GRM7: variants seen among roughly 807,000 people sequenced by gnomAD.
GRM7 encodes glutamate metabotropic receptor 7.
In GRM7, 35 loss-of-function variants were observed where a neutral mutation model predicts 84.5. The ratio of observed to expected loss-of-function variants is 0.41; its 90% CI spans 0.32 to 0.55. The LOEUF is 0.55. Ranked by LOEUF, GRM7 falls within the 20% of genes least tolerant of loss-of-function variation. The probability of loss-of-function intolerance (pLI) is 0.19; values close to 1 mark genes in which losing one functional copy is unlikely to be tolerated. For missense variants in GRM7, 1,003 were observed against 1,194.6 expected (o/e 0.84, Z 2.36); for synonymous variants, 487 against 455.1 (o/e 1.07, Z -0.89).
Position 7,397,505 on chromosome 3 carries a change from T to C in GRM7, c.1034-17518T>C, listed in dbSNP as rs183285815. On this transcript the variant is annotated intron_variant, in intron 4 of 9. Coordinates refer to ENST00000357716, the MANE Select transcript of GRM7 (RefSeq NM_000844.4). ...ATATTCAGTAGCATAATAGAGTGAC[T>C]ATAGTTAATAATTTGTTGTATATTT... 3.3e-3 allele frequency among the ~76,000 whole-genome samples: 503 copies of C among 152,254 alleles called. 3 individuals carry two copies. Among genetic ancestry groups the C allele is most frequent in the Admixed American group, 8.3e-3 (127 of 15,268 alleles).
chr3:7,275,051 T>G (rs1699003107), intron 2 of GRM7, among the ~76,000 whole-genome samples: 1 of 152,140 alleles, frequency 6.6e-6, no homozygotes, highest in Non-Finnish European at 1.5e-5. Flanking sequence ...CGCTCAAATA[T>G]TCTTTCCTCA....
chr3:6,989,884 A>T (rs1026737134), intron 1 of GRM7, among the ~76,000 whole-genome samples: 1 of 152,212 alleles, frequency 6.6e-6, no homozygotes, highest in African/African-American at 2.4e-5. Context: ...GCCTCTCTCT[A>T]CTATGTGCTA....
chr3:7,387,577 GTCAAAGA>G (rs1246762476), intron 4 of GRM7, among the ~76,000 whole-genome samples: 1 of 152,106 alleles, frequency 6.6e-6, no homozygotes, highest in Non-Finnish European at 1.5e-5. Context: ...TGCTGACTTT[GTCAAAGA>G]TCAATTAGTT....
At chr3:7,284,953 A>G (rs891132652) in intron 2 of GRM7, among the ~76,000 whole-genome samples, 1 of 152,210 alleles carries the variant, frequency 6.6e-6, no homozygotes, top group African/African-American at 2.4e-5. Flanking sequence ...TGCATATATT[A>G]CTAAAACTTA....
rs549772716 is a variant in GRM7, at chr3:7,462,331, A to C, written c.1515+609A>C. ...TTTGTTCTATTTAGGCCTTGAAATAATTGGGTAAGACTCATCCACATTGGG... is the reference window on the plus strand; with the variant it reads ...TTTGTTCTATTTAGGCCTTGAAATACTTGGGTAAGACTCATCCACATTGGG... On this transcript the variant is annotated intron_variant, in intron 7 of 9. Transcript: ENST00000357716. Among the ~76,000 whole-genome samples the C allele has an allele frequency of 2.6e-5, 4 of 152,296 alleles. No homozygotes were observed. In the South Asian group the frequency reaches 8.3e-4, roughly 32 times the overall value.
chr3:7,410,499 G>T (rs1375438098), intron 4 of GRM7, among the ~76,000 whole-genome samples: 1 of 151,934 alleles, frequency 6.6e-6, no homozygotes, highest in Non-Finnish European at 1.5e-5. Context: ...CTTGAGCCTG[G>T]TGGGTTGAGG....
chr3:6,944,477 T>C (rs897528569), intron 1 of GRM7, among the ~76,000 whole-genome samples: 2 of 152,174 alleles, frequency 1.3e-5, no homozygotes, highest in Admixed American at 6.6e-5. Flanking sequence ...TTAAATTATC[T>C]TGATTGCTTT....
chr3:7,050,494 C>G (rs1696955416), intron 1 of GRM7, among the ~76,000 whole-genome samples: 1 of 151,852 alleles, frequency 6.6e-6, no homozygotes, highest in Admixed American at 6.6e-5. Context: ...TCACCCCAGA[C>G]TTGGGGTTAC....
At chr3:6,917,047 A>C (rs1378160187) in intron 1 of GRM7, among the ~76,000 whole-genome samples, 4 of 152,142 alleles carry the variant, frequency 2.6e-5, no homozygotes, top group African/African-American at 4.8e-5. Flanking sequence ...ATTCAGAAGA[A>C]TCCCAGCCAT....
intron 2 of GRM7, among the ~76,000 whole-genome samples, chr3:7,296,349 A>T (rs1373015690): frequency 6.6e-6 from 1 of 151,870 alleles, no homozygotes; most frequent in Non-Finnish European, 1.5e-5. Flanking sequence ...TCTATATTTT[A>T]TTTTTGTTTG....
intron 4 of GRM7, among the ~76,000 whole-genome samples, chr3:7,373,778 G>GCCAC (rs60938804): frequency 0.25 from 37,352 of 151,954 alleles, 6,455 homozygotes; most frequent in African/African-American, 0.5. Flanking sequence ...TTCTGAAGTA[G>GCCAC]TCTGTTCAAC....
intron 2 of GRM7, among the ~76,000 whole-genome samples, chr3:7,186,711 T>A (rs1321497351): frequency 3.9e-5 from 6 of 152,168 alleles, no homozygotes; most frequent in Admixed American, 6.5e-5. Context: ...GTCATAACCG[T>A]CTTTAGCTTG....
At chr3:7,301,901 CT>C (rs1700015414) in intron 3 of GRM7, among the ~76,000 whole-genome samples, 1 of 152,084 alleles carries the variant, frequency 6.6e-6, no homozygotes, top group South Asian at 2.1e-4. Flanking sequence ...ACTTCAGATA[CT>C]TTGTCAAAGG....
intron 1 of GRM7, among the ~76,000 whole-genome samples, chr3:7,112,610 T>G (rs540810557): frequency 6.6e-6 from 1 of 152,258 alleles, no homozygotes; most frequent in South Asian, 2.1e-4. Context: ...CAGCCTGGTG[T>G]GCCATCAGCC....
rs143327869 is a variant in GRM7, at chr3:7,313,009, C to A, written c.1033+6357C>A. Among the ~76,000 whole-genome samples the A allele has an allele frequency of 5.1e-3, 773 of 150,274 alleles. 10 individuals carry two copies. The highest frequency in any genetic ancestry group is 0.018 in the African/African-American group (743 of 40,898). On this transcript the variant is annotated intron_variant, in intron 4 of 9. Coordinates refer to ENST00000357716, the MANE Select transcript of GRM7 (RefSeq NM_000844.4). ...AGTGATGTGATCTCGGCTCACTGCA[C>A]CCTCCATCTCCCGGGTTCAAACAAT... is the stretch of plus-strand genomic sequence containing the variant.
At chr3:7,423,878 C>A (rs1373603854) in intron 5 of GRM7, among the ~76,000 whole-genome samples, 1 of 152,106 alleles carries the variant, frequency 6.6e-6, no homozygotes, top group African/African-American at 2.4e-5. Flanking sequence ...CTAATTTTTT[C>A]ATTCTCATCT....
intron 1 of GRM7, chr3:6,892,565 G>A (rs1186840560): frequency 2.6e-5 from 4 of 152,090 alleles, no homozygotes; most frequent in Admixed American, 6.6e-5. Context: ...ATTCCTGTCA[G>A]GGACAAGAGC....
intron 2 of GRM7, among the ~76,000 whole-genome samples, chr3:7,230,589 G>C (rs1428670781): frequency 6.6e-6 from 1 of 152,204 alleles, no homozygotes; most frequent in Non-Finnish European, 1.5e-5. Flanking sequence ...ACGTCAAAGA[G>C]AAAAGTGTAA....
chr3:6,932,720 G>A (rs1012853655), intron 1 of GRM7, among the ~76,000 whole-genome samples: 67 of 116,948 alleles, frequency 5.7e-4, no homozygotes, highest in African/African-American at 2.1e-3. Context: ...TTTTTGTTTT[G>A]TTTATTTTTT....
Sources: gnomAD v4.1 joint callset for allele counts (sites outside exome capture counted in the v4.1 genomes callset) on GRCh38, gnomAD v4.1.1 for gene constraint, MANE v1.5 for transcripts, NCBI Gene and HGNC (gene_info 2026-07-23, HGNC 2026-07-21) for gene names.